FAM120AOS: variants seen among roughly 807,000 people sequenced by gnomAD.
FAM120AOS encodes the protein family with sequence similarity 120 member A opposite strand, also known as uncharacterized protein FAM120AOS.
FAM120AOS carries 15 observed loss-of-function variants against 20.2 expected under a neutral mutation model. That is an observed-to-expected ratio of 0.74 (90% CI 0.50 to 1.15). The LOEUF is 1.15. Ranked by LOEUF, FAM120AOS falls within the 50% of genes most tolerant of loss-of-function variation. The pLI, the probability that FAM120AOS is intolerant of heterozygous loss-of-function variation, is 0.00. For missense variants in FAM120AOS, 327 were observed against 351.9 expected (o/e 0.93, Z 0.57); for synonymous variants, 154 against 154.0 (o/e 1.00, Z 0.00).
Position 93,453,516 on chromosome 9 carries a change from AG to A in FAM120AOS, c.-808del. 1 of 985,406 alleles carries A rather than the reference AG, an allele frequency of 1.0e-6. No individual in the cohort carries two copies. The highest frequency in any genetic ancestry group is 1.2e-6 in the Non-Finnish European group (1 of 829,942). 61.0% of individuals were successfully genotyped at this position (985,406 alleles called of 1,614,324 possible). A position where few individuals can be genotyped will look rare whatever the true frequency, so the allele number is the denominator to read the frequency against. On this transcript the variant is annotated 5_prime_UTR_variant, in exon 1 of 3. Coordinates refer to ENST00000375412, the MANE Select transcript of FAM120AOS (RefSeq NM_198841.4). ...TTTCCTTGAAACTGCTGGAGCTGAA[AG>A]TTTGTGAAATTCTGTCTTCGCGGTT... is the stretch of plus-strand genomic sequence containing the variant.
chr9:93,447,348 T>C lies in FAM120AOS; in HGVS notation c.*263A>G. 2.5e-6 allele frequency: 1 copy of C among 402,020 alleles called. No individual in the cohort carries two copies. The highest frequency in any genetic ancestry group is 4.6e-6 in the Non-Finnish European group (1 of 219,756). 24.9% of individuals were successfully genotyped at this position (402,020 alleles called of 1,614,324 possible). On this transcript the variant is annotated 3_prime_UTR_variant, in exon 3 of 3. Transcript: ENST00000375412. ...CCAATGCCCAGTATACACCAGGGGC[T>C]CAGTCGCTGTTTGTCTTATTTTCTT...
intron 2 of FAM120AOS, among the ~76,000 whole-genome samples, chr9:93,449,016 GC>G (rs1856970918): frequency 6.6e-6 from 1 of 150,652 alleles, no homozygotes; most frequent in Non-Finnish European, 1.5e-5. Flanking sequence ...GTGTTTGTCA[GC>G]TAAACATTTT....
chr9:93,451,774 G>C, intron 1 of FAM120AOS: 1 of 981,150 alleles, frequency 1.0e-6, no homozygotes, highest in South Asian at 4.5e-5. Flanking sequence ...GGCCGCGGCG[G>C]CCATGAGCGC....
chr9:93,450,503 T>C lies in FAM120AOS; in HGVS notation c.660A>G (p.Glu220=), dbSNP rs1036986085. The change falls in exon 2 of 3, where the codon GAA becomes GAG. Residue 220 remains glutamate, a synonymous_variant. Coordinates refer to ENST00000375412, the MANE Select transcript of FAM120AOS (RefSeq NM_198841.4). ...WSLHAHGLAK[E]APILPVKKIS... Reference sequence around the variant, plus strand: ...CCTTTTTCACCGGGAGTATGGGGGCTTCTTTGGCCAAACCGTGCGCGTGCA... The same window carrying C: ...CCTTTTTCACCGGGAGTATGGGGGCCTCTTTGGCCAAACCGTGCGCGTGCA... 15 of 1,586,342 alleles carry C rather than the reference T, an allele frequency of 9.5e-6. No individual in the cohort carries two copies. Among genetic ancestry groups the C allele is most frequent in the African/African-American group, 1.4e-5 (1 of 73,238 alleles).
rs762088381 is a variant in FAM120AOS, at chr9:93,452,445, C to A, written c.265G>T (p.Gly89Trp). Residue 89 changes from glycine to tryptophan, a missense_variant, in exon 1 of 3, where the codon GGG (glycine) becomes TGG (tryptophan). Transcript: ENST00000375412. This position sits in a 1 kb window ranked among gnomAD's most constrained non-coding sequence, Gnocchi z 7.0. Reference protein sequence around the residue: ...GRATFCALGRGIGVRRGPGPR... With the variant: ...GRATFCALGRWIGVRRGPGPR... Reference sequence around the variant, plus strand: ...CCGGGGCCGCGCCGCACCCCTATCCCCCTTCCCAGGGCGCAGAATGTCGCC... The same window carrying A: ...CCGGGGCCGCGCCGCACCCCTATCCACCTTCCCAGGGCGCAGAATGTCGCC... 9 of 1,558,920 alleles carry A rather than the reference C, an allele frequency of 5.8e-6. No individual in the cohort carries two copies. In the Admixed American group the frequency reaches 1.3e-4, roughly 23 times the overall value.
At chr9:93,451,189 C>A (rs2131151806) in intron 1 of FAM120AOS, 3 of 1,549,000 alleles carry the variant, frequency 1.9e-6, no homozygotes, top group Non-Finnish European at 2.6e-6. Context: ...TCAGTGTGGG[C>A]AGCAGGCCCA....
chr9:93,450,895 G>T, intron 1 of FAM120AOS: 1 of 999,182 alleles, frequency 1.0e-6, no homozygotes. Context: ...GCACGTTTCA[G>T]TCTAGCCATT....
chr9:93,452,578 C>G lies in FAM120AOS; in HGVS notation c.132G>C (p.Trp44Cys), dbSNP rs773193469. The change falls in exon 1 of 3, where the codon TGG (tryptophan) becomes TGC (cysteine). Residue 44 changes from tryptophan to cysteine, a missense_variant. This residue lies in a region of FAM120AOS where 155 missense variants were observed against 128.8 expected (regional missense o/e 1.20). Coordinates refer to ENST00000375412, the MANE Select transcript of FAM120AOS (RefSeq NM_198841.4). This position sits in a 1 kb window ranked among gnomAD's most constrained non-coding sequence, Gnocchi z 7.0. ...TPNRDSWRRA[W>C]AARGLHPRPS... The stretch of plus-strand genomic sequence containing the variant: ...GCCGCGGGTGCAGGCCGCGCGCTGC[C>G]CAAGCCCGTCTCCAGCTGTCCCTGT... The G allele has an allele frequency of 5.5e-5, 88 of 1,595,632 alleles. No homozygotes were observed. The highest frequency in any genetic ancestry group is 7.0e-5 in the Non-Finnish European group (82 of 1,178,132).
rs1030127730 is a variant in FAM120AOS at position 93,453,233 on chromosome 9, C to T, written c.-524G>A. On this transcript the variant is annotated 5_prime_UTR_variant, in exon 1 of 3. Transcript: ENST00000375412. Reference sequence around the variant, plus strand: ...ACAGTAAGTATTCAGTGACCTTCAGCGGTGCCCTGACGGGTGGGTAATCAG... The same window carrying T: ...ACAGTAAGTATTCAGTGACCTTCAGTGGTGCCCTGACGGGTGGGTAATCAG... 1 of 996,020 alleles carries T rather than the reference C, an allele frequency of 1.0e-6. No homozygotes were observed. The highest frequency in any genetic ancestry group is 4.4e-5 in the South Asian group (1 of 22,874). The allele number at this position is 996,020 out of a possible 1,614,324, so 61.7% of individuals were successfully genotyped here.
rs764505634 is a variant in FAM120AOS, at chr9:93,444,864, T to C, written c.*2747A>G. 2.6e-5 allele frequency among the ~76,000 whole-genome samples: 4 copies of C among 152,182 alleles called. No homozygotes were observed. Among genetic ancestry groups the C allele is most frequent in the Non-Finnish European group, 5.9e-5 (4 of 68,028 alleles). ...CCCGACCTCAGGTGATCCACCCGCC[T>C]CGGCCTCCCAAAGTGCTGGGATTAC... On this transcript the variant is annotated 3_prime_UTR_variant, in exon 3 of 3. Transcript: ENST00000375412.
Position 93,453,143 on chromosome 9 carries a change from GA to G in FAM120AOS, c.-435del, listed in dbSNP as rs532187488. On this transcript the variant is annotated 5_prime_UTR_variant, in exon 1 of 3. Transcript: ENST00000375412. Reference sequence around the variant, plus strand: ...CGGTTTTGTAGATCCCATGCGAAAGGAGTCGCTCAAAATCAGGGGGCGAACT... The same window carrying G: ...CGGTTTTGTAGATCCCATGCGAAAGGGTCGCTCAAAATCAGGGGGCGAACT... The G allele has an allele frequency of 2.8e-4, 284 of 1,004,282 alleles. No homozygotes were observed. The highest frequency in any genetic ancestry group is 3.3e-4 in the Non-Finnish European group (276 of 842,790). 62.2% of individuals were successfully genotyped at this position (1,004,282 alleles called of 1,614,324 possible).
intron 2 of FAM120AOS, chr9:93,448,394 T>A (rs1052022315): frequency 5.6e-6 from 1 of 178,488 alleles, no homozygotes. Context: ...CTCCAGAGGC[T>A]GAGGCAGGAG....
chr9:93,450,014 C>CT (rs1857038234), intron 2 of FAM120AOS, among the ~76,000 whole-genome samples: 1 of 152,018 alleles, frequency 6.6e-6, no homozygotes, highest in Non-Finnish European at 1.5e-5. Context: ...GAGACGGAAT[C>CT]TCGCTTTTTG....
In FAM120AOS at chr9:93,452,054, C is replaced by T. The variant is rs1341913865; in HGVS notation, c.563+93G>A. On this transcript the variant is annotated intron_variant, in intron 1 of 2. Coordinates refer to ENST00000375412, the MANE Select transcript of FAM120AOS (RefSeq NM_198841.4). The surrounding 1 kb of genome is among the most constrained non-coding windows in gnomAD (Gnocchi z 7.0). Reference sequence around the variant, plus strand: ...GCCCCCGCAGACCCCGCTGCGCCTGCTGGTGGACGCCGACAACTGCCTGCA... The same window carrying T: ...GCCCCCGCAGACCCCGCTGCGCCTGTTGGTGGACGCCGACAACTGCCTGCA... The T allele has an allele frequency of 6.3e-7, 1 of 1,587,152 alleles. No homozygotes were observed.
In FAM120AOS at chr9:93,450,479, C is replaced by T; in HGVS notation, c.684G>A (p.Lys228=). 1 of 1,565,354 alleles carries T rather than the reference C, an allele frequency of 6.4e-7. No homozygotes were observed. The highest frequency in any genetic ancestry group is 8.6e-7 in the Non-Finnish European group (1 of 1,158,192). The change falls in exon 2 of 3, where the codon AAG becomes AAA. Residue 228 remains lysine (K), a splice_region_variant and synonymous_variant. Transcript: ENST00000375412. The part of the protein sequence containing the change: ...AKEAPILPVK[K]ISRSCSVNNK... ...AAGAAAGCAGAAAAATCCAACTTGCCTTTTTCACCGGGAGTATGGGGGCTT... is the reference window on the plus strand; with the variant it reads ...AAGAAAGCAGAAAAATCCAACTTGCTTTTTTCACCGGGAGTATGGGGGCTT...
rs1027204233 is a variant in FAM120AOS at position 93,450,829 on chromosome 9, G to C, written c.564-230C>G. The C allele has an allele frequency of 8.8e-6, 8 of 912,544 alleles. No homozygotes were observed. In the Admixed American group the frequency reaches 1.0e-4, roughly 11 times the overall value. 56.5% of individuals were successfully genotyped at this position (912,544 alleles called of 1,614,324 possible). On this transcript the variant is annotated intron_variant, in intron 1 of 2. Transcript: ENST00000375412. ...CCTCCTTCCAGAAGATGCTACTAAA[G>C]CAACAAGATTCAAATCCCTCTCCCT...
rs1357398105 is a variant in FAM120AOS at position 93,452,069 on chromosome 9, A to G, written c.563+78T>C. 1.9e-6 allele frequency: 3 copies of G among 1,599,830 alleles called. No homozygotes were observed. Among genetic ancestry groups the G allele is most frequent in the Non-Finnish European group, 2.6e-6 (3 of 1,174,120 alleles). ...GCTGCGCCTGCTGGTGGACGCCGAC[A>G]ACTGCCTGCACCGCCTCTACGGCGG... On this transcript the variant is annotated intron_variant, in intron 1 of 2. Transcript: ENST00000375412. This position sits in a 1 kb window ranked among gnomAD's most constrained non-coding sequence, Gnocchi z 7.0.
In FAM120AOS at chr9:93,447,419, C is replaced by T; in HGVS notation, c.*192G>A. ...GGACATATCACTTTCCTCTCTTGACCTTCACATTCAGATGTGTTAATAAAA... is the reference window on the plus strand; with the variant it reads ...GGACATATCACTTTCCTCTCTTGACTTTCACATTCAGATGTGTTAATAAAA... On this transcript the variant is annotated 3_prime_UTR_variant, in exon 3 of 3. Coordinates refer to ENST00000375412, the MANE Select transcript of FAM120AOS (RefSeq NM_198841.4). 1 of 581,176 alleles carries T rather than the reference C, an allele frequency of 1.7e-6. No homozygotes were observed. Among genetic ancestry groups the T allele is most frequent in the Non-Finnish European group, 3.1e-6 (1 of 324,662 alleles). 36.0% of individuals were successfully genotyped at this position (581,176 alleles called of 1,614,324 possible). A position where few individuals can be genotyped will look rare whatever the true frequency, so the allele number is the denominator to read the frequency against.
intron 1 of FAM120AOS, chr9:93,451,883 G>A (rs1432779389): frequency 3.7e-5 from 26 of 712,198 alleles, no homozygotes; most frequent in African/African-American, 1.3e-4. Flanking sequence ...GCCGCCCCCC[G>A]CCCGCACCCG....
Sources: gnomAD v4.1 joint callset for allele counts (sites outside exome capture counted in the v4.1 genomes callset) on GRCh38, gnomAD v4.1.1 for gene constraint, gnomAD v4.1.1 regional missense constraint, Gnocchi (gnomAD v3.1) non-coding constraint, MANE v1.5 for transcripts, NCBI Gene and HGNC (gene_info 2026-07-23, HGNC 2026-07-21) for gene names.